MADD: variants seen among roughly 807,000 people sequenced by gnomAD.
The protein encoded by MADD is MAP kinase activating death domain.
Under a neutral mutation model 176.7 loss-of-function variants are expected in MADD, and 109 were observed. The observed-to-expected ratio is 0.62, with a 90% CI of 0.53 to 0.72. The LOEUF is 0.72. MADD is among the 30% of genes least tolerant of loss of function. MADD has a pLI of 0.00. For synonymous variants in MADD, 771 were observed against 771.3 expected, an observed-to-expected ratio of 1.00 and a Z score of 0.01; for missense variants, 1,914 against 2,045.5, an observed-to-expected ratio of 0.94 and a Z score of 1.24.
chr11:47,297,450 C>CTT (rs550191201), intron 22 of MADD, among the ~76,000 whole-genome samples: 6 of 141,180 alleles, frequency 4.2e-5, no homozygotes, highest in East Asian at 2.1e-4. Flanking sequence ...CTTTTCTTTT[C>CTT]TTTTTTTTTT....
At chr11:47,319,851 C>T (rs1043650217) in intron 27 of MADD, among the ~76,000 whole-genome samples, 5 of 151,722 alleles carry the variant, frequency 3.3e-5, no homozygotes, top group African/African-American at 9.7e-5. Context: ...ATTAGCCGGG[C>T]GTGTTGGGCA....
intron 32 of MADD, 24 bp from the exon 37 acceptor site, chr11:47,329,022 T>C (rs2095789487): frequency 6.4e-7 from 1 of 1,559,654 alleles, no homozygotes; most frequent in Non-Finnish European, 8.8e-7. Flanking sequence ...AGTATCGTGA[T>C]CCGCCTGGTT....
chr11:47,287,034 C>G (rs1204881403), intron 15 of MADD, among the ~76,000 whole-genome samples: 2 of 152,154 alleles, frequency 1.3e-5, no homozygotes, highest in African/African-American at 4.8e-5. Context: ...CAGTTAAAAC[C>G]TTATGTGAAA....
chr11:47,309,000 T>C, intron 23 of MADD: 1 of 1,614,134 alleles, frequency 6.2e-7, no homozygotes. Flanking sequence ...AGGATCCATG[T>C]GGGACCAGTT....
At chr11:47,321,513 C>T (rs1419501041) in intron 27 of MADD, among the ~76,000 whole-genome samples, 1 of 152,126 alleles carries the variant, frequency 6.6e-6, no homozygotes, top group African/African-American at 2.4e-5. Context: ...ATTTCTATTG[C>T]CCTTAGCATT....
At chr11:47,295,465 C>T in intron 20 of MADD, 31 bp from the exon 23 acceptor site, 1 of 1,547,646 alleles carries the variant, frequency 6.5e-7, no homozygotes, top group African/African-American at 1.4e-5. Flanking sequence ...AGATTGGACA[C>T]CTCCCCTAAT....
intron 22 of MADD, among the ~76,000 whole-genome samples, chr11:47,305,708 GC>G (rs1565474365): frequency 6.6e-6 from 1 of 152,146 alleles, no homozygotes; most frequent in African/African-American, 2.4e-5. Context: ...GGGTCAGGGA[GC>G]AGCACAGCAA....
chr11:47,311,287 G>A (rs1356649834), intron 25 of MADD, among the ~76,000 whole-genome samples: 1 of 147,032 alleles, frequency 6.8e-6, no homozygotes, highest in African/African-American at 2.4e-5. Flanking sequence ...TGTACTCTGT[G>A]GAATTTGGAG....
At chr11:47,306,364 A>G (rs1227191602) in intron 22 of MADD, among the ~76,000 whole-genome samples, 1 of 152,178 alleles carries the variant, frequency 6.6e-6, no homozygotes. Flanking sequence ...ACACAATCCC[A>G]CTGTAGCTCC....
exon 25 of MADD, chr11:47,309,573 A>C: frequency 6.2e-7 from 1 of 1,614,158 alleles, no homozygotes; most frequent in East Asian, 2.2e-5. Context: ...TGTTGGCCAC[A>C]CTTCTGCACA....
At chr11:47,269,265 C>A (rs919601822), upstream of MADD, 6 of 153,096 alleles carry the variant, frequency 3.9e-5, no homozygotes, top group African/African-American at 1.4e-4. Context: ...TTCTTACTAA[C>A]CCCCACTGCG....
intron 7 of MADD, among the ~76,000 whole-genome samples, chr11:47,279,763 G>T (rs1591993183): frequency 6.6e-6 from 1 of 151,880 alleles, no homozygotes; most frequent in South Asian, 2.1e-4. Flanking sequence ...GATCCTGAGG[G>T]TTCCTTTCTT....
chr11:47,309,232 TA>T (rs1464234472), intron 23 of MADD, 48 bp from the exon 27 acceptor site: 1 of 1,590,840 alleles, frequency 6.3e-7, no homozygotes, highest in Non-Finnish European at 8.5e-7. Flanking sequence ...TTGGCAGCTA[TA>T]TTCTTAAATG....
chr11:47,292,676 T>C, intron 19 of MADD, 80 bp downstream of exon 21: 2 of 1,406,206 alleles, frequency 1.4e-6, no homozygotes, highest in Non-Finnish European at 2.0e-6. Flanking sequence ...CAGGCTCCCT[T>C]TGTCAGCCCC....
At chr11:47,289,777 C>T (rs2063668650) in intron 16 of MADD, 90 bp from the exon 18 acceptor site, 2 of 1,424,308 alleles carry the variant, frequency 1.4e-6, no homozygotes, top group Non-Finnish European at 1.9e-6. Flanking sequence ...TGTGTTTTAC[C>T]CCTGGAGGCA....
At chr11:47,319,725 A>G (rs930182628) in intron 27 of MADD, among the ~76,000 whole-genome samples, 1 of 152,150 alleles carries the variant, frequency 6.6e-6, no homozygotes, top group Non-Finnish European at 1.5e-5. Flanking sequence ...GGTGGCTCAC[A>G]TGAGCCTGTA....
intron 10 of MADD, 35 bp downstream of exon 10, chr11:47,283,004 G>C (rs1350784725): frequency 1.9e-6 from 3 of 1,599,916 alleles, no homozygotes; most frequent in Middle Eastern, 2.1e-4. Context: ...AGGTTTTAAA[G>C]GTGAGGAGGC....
chr11:47,289,348 A>T, intron 15 of MADD, 43 bp from the exon 17 acceptor site: 1 of 1,487,718 alleles, frequency 6.7e-7, no homozygotes. Flanking sequence ...GAGCTCCTGT[A>T]CTACAATAGT....
At position 47,289,378 on chromosome 11, in the gene MADD, T is replaced by C. The variant is rs557070735; in HGVS notation, c.2654-13T>C. The C allele has an allele frequency of 4.4e-6, 7 of 1,604,112 alleles. No individual in the cohort carries two copies. The Admixed American group carries it at 1.0e-4, about 23-fold the overall frequency. ...AATAGTGATGTCTCTCATTCCTGCC[T>C]TCCCTGCCACAGGAAACAGGAGGGC... On this transcript the variant is annotated splice_polypyrimidine_tract_variant and intron_variant, in intron 15 of 32. Coordinates refer to ENST00000402192, the Ensembl canonical transcript of MADD.
Sources: gnomAD v4.1 joint callset for allele counts (sites outside exome capture counted in the v4.1 genomes callset) on GRCh38, gnomAD v4.1.1 for gene constraint, MANE v1.5 for transcripts, NCBI Gene and HGNC (gene_info 2026-07-23, HGNC 2026-07-21) for gene names.